The following ACSF3 variants were observed in gnomAD, a reference collection of about 807,000 sequenced individuals.
ACSF3 encodes the protein malonate--CoA ligase ACSF3, mitochondrial.
In ACSF3, 78 loss-of-function variants were observed where a neutral mutation model predicts 53.2. That is an observed-to-expected ratio of 1.47 (90% CI 1.22 to 1.77). ACSF3 has a LOEUF of 1.77. Among genes scored for constraint, ACSF3 ranks in the 40% most tolerant of loss-of-function variants. ACSF3 has a pLI of 0.00. For missense variants in ACSF3, 937 were observed against 771.1 expected (o/e 1.22, Z -2.55); for synonymous variants, 414 against 333.1 (o/e 1.24, Z -2.65).
chr16:89,093,863 G>A lies in ACSF3; in HGVS notation c.-327G>A. 2 of 286,254 alleles carry A rather than the reference G, an allele frequency of 7.0e-6. No homozygotes were observed. The highest frequency in any genetic ancestry group is 2.7e-5 in the South Asian group (1 of 37,174). 17.7% of individuals were successfully genotyped at this position (286,254 alleles called of 1,614,324 possible). ...GCGCCGGGGAAGCTGTTGGGCGCCG[G>A]AACTGGTCCGGCCCGACTCACGACC... On this transcript the variant is annotated 5_prime_UTR_variant, in exon 1 of 11. Transcript: ENST00000614302.
chr16:89,117,195 A>G (rs1269700292), intron 6 of ACSF3, among the ~76,000 whole-genome samples: 1 of 152,198 alleles, frequency 6.6e-6, no homozygotes, highest in Non-Finnish European at 1.5e-5. Context: ...CACAGTTTGT[A>G]GTTCATGATG....
chr16:89,153,743 G>T, intron 10 of ACSF3: 1 of 369,944 alleles, frequency 2.7e-6, no homozygotes, highest in African/African-American at 2.1e-5. Context: ...TCCAGCTCCA[G>T]TGCGGGGACT....
chr16:89,152,424 A>C (rs866958531), intron 10 of ACSF3: 7 of 152,274 alleles, frequency 4.6e-5, no homozygotes, highest in African/African-American at 1.7e-4. Flanking sequence ...CCTGGCCAAC[A>C]TGGTGAAACC....
intron 6 of ACSF3, among the ~76,000 whole-genome samples, chr16:89,119,996 G>T (rs1420231682): frequency 6.6e-6 from 1 of 152,218 alleles, no homozygotes; most frequent in Non-Finnish European, 1.5e-5. Context: ...GAAGTCCCAC[G>T]TCTGCTCTGC....
intron 6 of ACSF3, among the ~76,000 whole-genome samples, chr16:89,118,626 G>A (rs556869214): frequency 1.2e-4 from 19 of 152,364 alleles, no homozygotes; most frequent in African/African-American, 4.3e-4. Context: ...TGCTCCGTGC[G>A]GTTCCTGTGG....
Position 89,155,250 on chromosome 16 carries a change from T to G in ACSF3, c.*1043T>G, listed in dbSNP as rs1169689033. 1 of 454,090 alleles carries G rather than the reference T, an allele frequency of 2.2e-6. No homozygotes were observed. The highest frequency in any genetic ancestry group is 4.4e-6 in the Non-Finnish European group (1 of 226,776). 28.1% of individuals were successfully genotyped at this position (454,090 alleles called of 1,614,324 possible). The stretch of plus-strand genomic sequence containing the variant: ...AAGTAACAGTCATCGCCCAGCAGTG[T>G]CTGGCCTGAACTTACCCAGAACATT... On this transcript the variant is annotated 3_prime_UTR_variant, in exon 11 of 11. Transcript: ENST00000614302.
At chr16:89,152,852 C>T (rs1283456284) in intron 10 of ACSF3, 3 of 152,096 alleles carry the variant, frequency 2.0e-5, no homozygotes, top group Admixed American at 6.6e-5. Context: ...TGCACTCTGG[C>T]CCAGGCAACA....
chr16:89,112,196 C>T lies in ACSF3; in HGVS notation c.927C>T (p.Thr309=), dbSNP rs1311286555. 6.6e-7 allele frequency: 1 copy of T among 1,512,494 alleles called. No homozygotes were observed. Among genetic ancestry groups the T allele is most frequent in the Non-Finnish European group, 8.9e-7 (1 of 1,122,132 alleles). 93.7% of individuals were successfully genotyped at this position (1,512,494 alleles called of 1,614,324 possible). ...KLMEYYDRHF[T]QPHAQDFLRA... ...TGGAGTACTACGACAGGCATTTTAC[C>T]CAGCCGCACGCCCAGGATTTCTTGC... Residue 309 remains threonine (T), a synonymous_variant, in exon 5 of 11, where the codon ACC becomes ACT. Transcript: ENST00000614302.
intron 7 of ACSF3, among the ~76,000 whole-genome samples, chr16:89,130,948 C>T (rs866600455): frequency 6.6e-6 from 1 of 152,054 alleles, no homozygotes; most frequent in African/African-American, 2.4e-5. Flanking sequence ...CAAGTTGTCA[C>T]GTTCGTTTCT....
intron 1 of ACSF3, among the ~76,000 whole-genome samples, chr16:89,096,213 G>C (rs1433675602): frequency 7.5e-6 from 1 of 133,934 alleles, no homozygotes; most frequent in Non-Finnish European, 1.6e-5. Context: ...TCAGGGTGCT[G>C]CGTAGCAGGG....
intron 7 of ACSF3, among the ~76,000 whole-genome samples, chr16:89,127,381 G>T (rs915553682): frequency 6.6e-6 from 1 of 152,002 alleles, no homozygotes; most frequent in African/African-American, 2.4e-5. Context: ...TTTTGTGTGT[G>T]GGGGATAAGG....
chr16:89,099,050 A>G (rs1974952113), intron 2 of ACSF3, among the ~76,000 whole-genome samples: 1 of 152,246 alleles, frequency 6.6e-6, no homozygotes, highest in Admixed American at 6.5e-5. Context: ...CCAGGAAGGG[A>G]GGCAGACCAG....
chr16:89,113,975 G>A (rs1244834137), intron 5 of ACSF3: 3 of 360,370 alleles, frequency 8.3e-6, no homozygotes, highest in East Asian at 7.1e-5. Context: ...GATCAGCTCC[G>A]TGGTCGGCAG....
chr16:89,106,965 C>G (rs1246007222), intron 4 of ACSF3, among the ~76,000 whole-genome samples: 1 of 152,224 alleles, frequency 6.6e-6, no homozygotes. Flanking sequence ...GACGAGACAG[C>G]CAGAGGCTCA....
chr16:89,100,857 T>G lies in ACSF3; in HGVS notation c.176T>G (p.Leu59Arg). ...RALAFGDRIA[L>R]VDQHGRHTYR... ...CTGGCCTTTGGGGACAGAATCGCCCTGGTTGACCAGCACGGCCGCCACACG... is the reference window on the plus strand; with the variant it reads ...CTGGCCTTTGGGGACAGAATCGCCCGGGTTGACCAGCACGGCCGCCACACG... The change falls in exon 3 of 11, where the codon CTG becomes CGG. Residue 59 changes from leucine to arginine, a missense_variant. Transcript: ENST00000614302. 1 of 1,613,618 alleles carries G rather than the reference T, an allele frequency of 6.2e-7. No individual in the cohort carries two copies. The highest frequency in any genetic ancestry group is 1.3e-5 in the African/African-American group (1 of 75,058).
chr16:89,111,155 C>T (rs531424869), intron 4 of ACSF3, among the ~76,000 whole-genome samples: 4 of 152,228 alleles, frequency 2.6e-5, no homozygotes, highest in Admixed American at 6.5e-5. Flanking sequence ...GTGATTCGGA[C>T]GTTTGGATTT....
chr16:89,104,922 TA>T (rs1398980231), intron 4 of ACSF3, among the ~76,000 whole-genome samples: 2 of 152,214 alleles, frequency 1.3e-5, no homozygotes, highest in Admixed American at 6.5e-5. Flanking sequence ...AAGACCTCTT[TA>T]AAATCTAGCA....
At chr16:89,124,910 T>G (rs1422422406) in intron 7 of ACSF3, among the ~76,000 whole-genome samples, 1 of 152,272 alleles carries the variant, frequency 6.6e-6, no homozygotes, top group Non-Finnish European at 1.5e-5. Context: ...TTCTGTTCCC[T>G]TGATCTATGT....
chr16:89,095,510 G>T (rs552089377), intron 1 of ACSF3, among the ~76,000 whole-genome samples: 1 of 150,418 alleles, frequency 6.6e-6, no homozygotes, highest in African/African-American at 2.5e-5. Flanking sequence ...ATCCTGCCCC[G>T]CAGGCCGAGC....
Sources: gnomAD v4.1 joint callset for allele counts (sites outside exome capture counted in the v4.1 genomes callset) on GRCh38, gnomAD v4.1.1 for gene constraint, MANE v1.5 for transcripts, NCBI Gene and HGNC (gene_info 2026-07-23, HGNC 2026-07-21) for gene names.